Variants in ADCK1 observed in about 807,000 individuals in gnomAD.
ADCK1 encodes aarF domain containing kinase 1, also known as aarF domain-containing protein kinase 1.
In ADCK1, 41 loss-of-function variants were observed where a neutral mutation model predicts 52.3. The ratio of observed to expected loss-of-function variants is 0.78; its 90% CI spans 0.61 to 1.02. The LOEUF is 1.02. Ranked by LOEUF, ADCK1 falls within the 50% of genes least tolerant of loss-of-function variation. ADCK1 has a pLI of 0.00. For missense variants in ADCK1, 658 were observed against 679.5 expected, an observed-to-expected ratio of 0.97 and a Z score of 0.35; for synonymous variants, 250 against 274.6, an observed-to-expected ratio of 0.91 and a Z score of 0.89.
intron 4 of ADCK1, among the ~76,000 whole-genome samples, chr14:77,884,860 G>A (rs2083113262): frequency 6.6e-6 from 1 of 152,242 alleles, no homozygotes. Context: ...GATATTCAGG[G>A]TCCTGATTGG....
chr14:77,857,589 T>C (rs191226986), intron 3 of ADCK1, among the ~76,000 whole-genome samples: 11 of 152,308 alleles, frequency 7.2e-5, no homozygotes, highest in African/African-American at 2.6e-4. Flanking sequence ...CAATATCACA[T>C]GTTCTCTCTT....
At chr14:77,844,928 G>A (rs893423960) in intron 3 of ADCK1, among the ~76,000 whole-genome samples, 2 of 152,242 alleles carry the variant, frequency 1.3e-5, no homozygotes, top group African/African-American at 4.8e-5. Context: ...CAGAGTGCGT[G>A]CTGTGGTTGA....
At chr14:77,803,605 A>G (rs2081158978) in intron 1 of ADCK1, among the ~76,000 whole-genome samples, 2 of 152,088 alleles carry the variant, frequency 1.3e-5, no homozygotes, top group Admixed American at 6.6e-5. Flanking sequence ...CTTGTCATTG[A>G]TTTGACAATA....
chr14:77,877,252 T>A (rs1427910622), intron 4 of ADCK1, among the ~76,000 whole-genome samples: 1 of 152,194 alleles, frequency 6.6e-6, no homozygotes, highest in African/African-American at 2.4e-5. Flanking sequence ...TGGTATTTAC[T>A]TGCTTTTGGC....
intron 7 of ADCK1, among the ~76,000 whole-genome samples, chr14:77,915,183 C>CTT (rs34034949): frequency 6.2e-5 from 9 of 145,826 alleles, no homozygotes; most frequent in African/African-American, 1.5e-4. Flanking sequence ...TGGACCAAAT[C>CTT]TTTTTTTTTT....
chr14:77,925,943 T>A lies in ADCK1; in HGVS notation c.1188T>A (p.Ala396=), dbSNP rs2084183571. 8 of 1,613,966 alleles carry A rather than the reference T, an allele frequency of 5.0e-6. No individual in the cohort carries two copies. Among genetic ancestry groups the A allele is most frequent in the African/African-American group, 1.3e-5 (1 of 74,912 alleles). ...WDSVNRGISQ[A]PVTATEDLEI... is the part of the protein sequence containing the mutation. The stretch of plus-strand genomic sequence containing the variant: ...CGGTCAACAGAGGCATCAGCCAAGC[T>A]CCCGTCACTGCCACTGAGGTAGGGG... The change falls in exon 9 of 11, where the codon GCT becomes GCA. Residue 396 remains alanine, a synonymous_variant. Coordinates refer to ENST00000238561, the MANE Select transcript of ADCK1 (RefSeq NM_020421.4).
chr14:77,858,890 T>C (rs990107917), intron 3 of ADCK1, among the ~76,000 whole-genome samples, 186 bp from the exon 4 acceptor site: 1 of 152,108 alleles, frequency 6.6e-6, no homozygotes, highest in African/African-American at 2.4e-5. Flanking sequence ...TGGAGTTGAC[T>C]GCCCCGTGTA....
intron 5 of ADCK1, among the ~76,000 whole-genome samples, chr14:77,887,983 G>C (rs769554362): frequency 2.0e-5 from 3 of 152,120 alleles, no homozygotes; most frequent in Non-Finnish European, 4.4e-5. Context: ...AACCAAACTT[G>C]ATGCATATAT....
chr14:77,876,190 G>A (rs2082895068), intron 4 of ADCK1, among the ~76,000 whole-genome samples: 1 of 152,198 alleles, frequency 6.6e-6, no homozygotes, highest in South Asian at 2.1e-4. Context: ...CCTTCTAGAG[G>A]CTCTAGGGGA....
chr14:77,818,985 A>T lies in ADCK1; in HGVS notation c.7A>T (p.Arg3Ter), dbSNP rs748556697. 2 of 1,614,128 alleles carry T rather than the reference A, an allele frequency of 1.2e-6. No individual in the cohort carries two copies. The highest frequency in any genetic ancestry group is 3.3e-5 in the Admixed American group (2 of 59,986). ...TTCTGCAGGATCTGGCGACATGGCC[A>T]GAAAGGCTCTCAAGCTTGCTTCGTG... is the stretch of plus-strand genomic sequence containing the variant. MA[R>*]KALKLASWTS... The change falls in exon 2 of 11, where the codon AGA becomes TGA. Residue 3 changes from arginine (R) to a stop codon, truncating the protein, a stop_gained. Transcript: ENST00000238561. LOFTEE classifies it high-confidence loss of function.
intron 6 of ADCK1, among the ~76,000 whole-genome samples, chr14:77,905,503 G>A (rs916333164): frequency 1.5e-4 from 22 of 151,274 alleles, no homozygotes; most frequent in African/African-American, 4.1e-4. Context: ...CCAGCCCCTC[G>A]CTGTTTTTTA....
At chr14:77,838,915 C>A (rs575638619) in intron 3 of ADCK1, among the ~76,000 whole-genome samples, 2 of 152,294 alleles carry the variant, frequency 1.3e-5, no homozygotes, top group Non-Finnish European at 2.9e-5. Flanking sequence ...CTTGGGAGGA[C>A]AAGAGGTAAT....
intron 4 of ADCK1, among the ~76,000 whole-genome samples, chr14:77,870,727 C>T (rs557119792): frequency 6.6e-6 from 1 of 152,326 alleles, no homozygotes; most frequent in South Asian, 2.1e-4. Context: ...GGACAAATGC[C>T]ATGGTTATGG....
intron 7 of ADCK1, chr14:77,908,510 C>G (rs1420774344): frequency 6.6e-6 from 1 of 152,462 alleles, no homozygotes; most frequent in Admixed American, 6.5e-5. Flanking sequence ...TGTACTTTTT[C>G]AACAACATTC....
chr14:77,886,114 C>T (rs527459726), intron 4 of ADCK1, among the ~76,000 whole-genome samples: 2 of 152,344 alleles, frequency 1.3e-5, no homozygotes, highest in South Asian at 4.1e-4. Flanking sequence ...AGGTGATGAC[C>T]TAGAGCAAAG....
At chr14:77,882,306 T>A (rs916751988) in intron 4 of ADCK1, among the ~76,000 whole-genome samples, 1 of 152,214 alleles carries the variant, frequency 6.6e-6, no homozygotes, top group African/African-American at 2.4e-5. Flanking sequence ...TTGCTGCTGA[T>A]GCCATGGTAA....
chr14:77,847,354 T>C (rs2082192402), intron 3 of ADCK1, among the ~76,000 whole-genome samples: 1 of 152,138 alleles, frequency 6.6e-6, no homozygotes, highest in Non-Finnish European at 1.5e-5. Context: ...GTGGATCACT[T>C]GAGGTCAGGC....
chr14:77,929,973 A>G (rs2140303957), intron 9 of ADCK1, among the ~76,000 whole-genome samples: 1 of 152,156 alleles, frequency 6.6e-6, no homozygotes. Context: ...AATAAAGGAG[A>G]TTGGGGTGAA....
At chr14:77,839,625 A>G (rs1412653699) in intron 3 of ADCK1, among the ~76,000 whole-genome samples, 1 of 152,090 alleles carries the variant, frequency 6.6e-6, no homozygotes, top group Non-Finnish European at 1.5e-5. Flanking sequence ...AGAGAGCAGC[A>G]GTGATGGCAG....
Sources: gnomAD v4.1 joint callset for allele counts (sites outside exome capture counted in the v4.1 genomes callset) on GRCh38, gnomAD v4.1.1 for gene constraint, MANE v1.5 for transcripts, NCBI Gene and HGNC (gene_info 2026-07-23, HGNC 2026-07-21) for gene names.